Variants in ATP8A1 observed in about 807,000 individuals in gnomAD.
ATP8A1 encodes the protein phospholipid-transporting ATPase IA.
ATP8A1 carries 90 observed loss-of-function variants against 177.7 expected under a neutral mutation model. The ratio of observed to expected loss-of-function variants is 0.51; its 90% CI spans 0.43 to 0.60. The LOEUF is 0.60. ATP8A1 is among the 20% of genes least tolerant of loss of function. The pLI, the probability that ATP8A1 is intolerant of heterozygous loss-of-function variation, is 0.00. For synonymous variants in ATP8A1, 493 were observed against 485.9 expected (o/e 1.01, Z -0.19); for missense variants, 1,072 against 1,392.8 (o/e 0.77, Z 3.67).
intron 20 of ATP8A1, among the ~76,000 whole-genome samples, chr4:42,537,786 C>G (rs958878566): frequency 6.6e-6 from 1 of 152,192 alleles, no homozygotes; most frequent in Non-Finnish European, 1.5e-5. Flanking sequence ...GCAAACACAT[C>G]CCATGCTCAT....
At chr4:42,446,164 G>C (rs988381616) in intron 31 of ATP8A1, among the ~76,000 whole-genome samples, 8 of 149,840 alleles carry the variant, frequency 5.3e-5, no homozygotes, top group African/African-American at 2.0e-4. Context: ...ATACTGTAAA[G>C]TGTCCCCAGG....
intron 1 of ATP8A1, among the ~76,000 whole-genome samples, chr4:42,629,497 G>A (rs1738497493): frequency 6.6e-6 from 1 of 152,244 alleles, no homozygotes; most frequent in South Asian, 2.1e-4. Flanking sequence ...AGCAGGGAGT[G>A]AGGCTCTCAG....
At chr4:42,586,962 C>T (rs112231853) in intron 8 of ATP8A1, among the ~76,000 whole-genome samples, 2 of 152,312 alleles carry the variant, frequency 1.3e-5, no homozygotes, top group African/African-American at 4.8e-5. Flanking sequence ...CAGGGCCCCT[C>T]ACACAGTGGC....
intron 35 of ATP8A1, among the ~76,000 whole-genome samples, chr4:42,417,772 A>G (rs1713414110): frequency 6.6e-6 from 1 of 152,246 alleles, no homozygotes; most frequent in Admixed American, 6.5e-5. Flanking sequence ...GTACGTAACT[A>G]TCCATTCATG....
intron 33 of ATP8A1, among the ~76,000 whole-genome samples, chr4:42,437,872 T>C (rs1716169683): frequency 6.6e-6 from 1 of 152,188 alleles, no homozygotes; most frequent in Admixed American, 6.5e-5. Context: ...TTCTGGTCAC[T>C]TCAGGCATGC....
intron 12 of ATP8A1, among the ~76,000 whole-genome samples, chr4:42,577,575 G>A (rs1462682568): frequency 6.6e-6 from 1 of 151,940 alleles, no homozygotes; most frequent in African/African-American, 2.4e-5. Context: ...TGGCAGATTA[G>A]GCCCACAGAT....
In ATP8A1 at chr4:42,577,118, C is replaced by T. The variant is rs867694752; in HGVS notation, c.1128+1142G>A. On this transcript the variant is annotated intron_variant, in intron 12 of 36. Transcript: ENST00000381668. ...AAAGGTGGTTGAAAGCATAAGCCTGCTGGGTTCATCCAATACTAAAATTAT... is the reference window on the plus strand; with the variant it reads ...AAAGGTGGTTGAAAGCATAAGCCTGTTGGGTTCATCCAATACTAAAATTAT... Among the ~76,000 whole-genome samples, 190 of 152,288 alleles carry T rather than the reference C, an allele frequency of 1.2e-3. 1 individual carries two copies. The highest frequency in any genetic ancestry group is 4.1e-3 in the African/African-American group (172 of 41,556).
rs763103232 is a variant in ATP8A1, at chr4:42,464,920, AG to A, written c.2480del (p.Ala827ValfsTer8). ...GAGCTATGGAGTAGTCAGAGGAATT[AG>A]CTGCCTGCAGGCCTTCATTGCCACT... ...GISGNEGLQA[A>X]NSSDYSIAQF... On this transcript the variant is annotated frameshift_variant, in exon 26 of 37. Coordinates refer to ENST00000381668, the MANE Select transcript of ATP8A1 (RefSeq NM_006095.2). LOFTEE classifies it high-confidence loss of function. 6.2e-7 allele frequency: 1 copy of A among 1,614,226 alleles called. No individual in the cohort carries two copies. The highest frequency in any genetic ancestry group is 1.7e-5 in the Admixed American group (1 of 60,032).
intron 5 of ATP8A1, among the ~76,000 whole-genome samples, chr4:42,609,626 C>A (rs371903387): frequency 9.2e-5 from 14 of 152,300 alleles, no homozygotes; most frequent in East Asian, 5.8e-4. Flanking sequence ...GTGGGTGTCT[C>A]AGTCCTGGTC....
At chr4:42,514,583 AG>A (rs1182121184) in intron 22 of ATP8A1, among the ~76,000 whole-genome samples, 8 of 152,204 alleles carry the variant, frequency 5.3e-5, no homozygotes, top group Admixed American at 6.5e-5. Flanking sequence ...CAGGCTGATG[AG>A]CCCCACTTCT....
intron 2 of ATP8A1, 170 bp downstream of exon 2, chr4:42,626,825 G>A (rs1738152390): frequency 1.6e-6 from 1 of 632,120 alleles, no homozygotes; most frequent in Non-Finnish European, 2.9e-6. Context: ...AGATTCTTAT[G>A]AATATTTCTC....
chr4:42,634,520 A>G (rs1739077357), intron 1 of ATP8A1, among the ~76,000 whole-genome samples: 1 of 152,214 alleles, frequency 6.6e-6, no homozygotes, highest in Admixed American at 6.5e-5. Flanking sequence ...TCTCATTATT[A>G]CATGGTAATC....
Position 42,412,636 on chromosome 4 carries a change from C to A in ATP8A1, c.*280G>T. On this transcript the variant is annotated 3_prime_UTR_variant, in exon 37 of 37. Coordinates refer to ENST00000381668, the MANE Select transcript of ATP8A1 (RefSeq NM_006095.2). ...GGCATAAGAATACTGACTTATTCTC[C>A]GTTTAAGAAAGCCCTCTGGCAAGAT... The A allele has an allele frequency of 3.5e-6, 1 of 286,410 alleles. No individual in the cohort carries two copies. Among genetic ancestry groups the A allele is most frequent in the African/African-American group, 2.2e-5 (1 of 45,446 alleles). 17.7% of individuals were successfully genotyped at this position (286,410 alleles called of 1,614,324 possible). A position where few individuals can be genotyped will look rare whatever the true frequency, so the allele number is the denominator to read the frequency against.
At chr4:42,648,857 T>C (rs1740813422) in intron 1 of ATP8A1, among the ~76,000 whole-genome samples, 1 of 152,158 alleles carries the variant, frequency 6.6e-6, no homozygotes. Flanking sequence ...CAATGTAAAC[T>C]TAAAGACTTA....
Position 42,507,808 on chromosome 4 carries a change from A to AAC in ATP8A1, c.1948-656_1948-655dup, listed in dbSNP as rs1560403070. On this transcript the variant is annotated intron_variant, in intron 22 of 36. Coordinates refer to ENST00000381668, the MANE Select transcript of ATP8A1 (RefSeq NM_006095.2). ...AAAAAAAAAAAAAAAAAAAAAAAAA[A>AAC]ACATACAAACAGCTATGGGAGACTA... 2.6e-4 allele frequency among the ~76,000 whole-genome samples: 38 copies of AAC among 145,144 alleles called. No homozygotes were observed. The East Asian group carries it at 6.9e-3, about 26-fold the overall frequency.
intron 1 of ATP8A1, among the ~76,000 whole-genome samples, chr4:42,639,086 C>A (rs1050581285): frequency 1.3e-5 from 2 of 152,176 alleles, no homozygotes; most frequent in African/African-American, 2.4e-5. Flanking sequence ...GAAGCCCCAA[C>A]AGCTGTCCAA....
chr4:42,604,108 T>A (rs1735562857), intron 5 of ATP8A1, among the ~76,000 whole-genome samples: 2 of 151,924 alleles, frequency 1.3e-5, no homozygotes, highest in South Asian at 4.2e-4. Flanking sequence ...CCTTTGCACA[T>A]GTTTCCATGC....
chr4:42,534,723 G>C (rs1303982984), intron 20 of ATP8A1, among the ~76,000 whole-genome samples: 1 of 152,120 alleles, frequency 6.6e-6, no homozygotes, highest in East Asian at 1.9e-4. Flanking sequence ...GTTATCTAAA[G>C]TCAAGATGAA....
chr4:42,645,601 C>T (rs1740447903), intron 1 of ATP8A1, among the ~76,000 whole-genome samples: 1 of 152,162 alleles, frequency 6.6e-6, no homozygotes, highest in Non-Finnish European at 1.5e-5. Flanking sequence ...CTATCTAATT[C>T]ACTATGAAGC....
Sources: allele counts gnomAD v4.1 joint callset (sites outside exome capture counted in the v4.1 genomes callset), GRCh38; gene constraint gnomAD v4.1.1; transcripts MANE v1.5; gene names NCBI Gene and HGNC (gene_info 2026-07-23, HGNC 2026-07-21).